MACROD2: variants seen among roughly 807,000 people sequenced by gnomAD.
MACROD2 encodes the protein ADP-ribose glycohydrolase MACROD2.
A neutral mutation model predicts 70.4 loss-of-function variants in MACROD2; 36 were observed. That is an observed-to-expected ratio of 0.51 (90% CI 0.39 to 0.68). The LOEUF (loss-of-function observed/expected upper bound fraction) is 0.68, where lower values mean the gene tolerates loss of function less well. Among genes scored for constraint, MACROD2 ranks in the 30% least tolerant of loss-of-function variants. MACROD2 has a pLI of 0.00. For synonymous variants in MACROD2, 172 were observed against 178.8 expected, an observed-to-expected ratio of 0.96 and a Z score of 0.30; for missense variants, 496 against 538.4, an observed-to-expected ratio of 0.92 and a Z score of 0.78.
chr20:14,209,494 TATAAC>T (rs1194223249), intron 3 of MACROD2, among the ~76,000 whole-genome samples: 4 of 152,324 alleles, frequency 2.6e-5, no homozygotes, highest in Admixed American at 2.0e-4. Flanking sequence ...TTTCATGTGA[TATAAC>T]ATGTGATATT....
At chr20:14,531,671 A>G (rs2085305946) in intron 4 of MACROD2, among the ~76,000 whole-genome samples, 1 of 152,200 alleles carries the variant, frequency 6.6e-6, no homozygotes, top group East Asian at 1.9e-4. Flanking sequence ...TTTGCCTATA[A>G]TTTTATAGTT....
intron 5 of MACROD2, among the ~76,000 whole-genome samples, chr20:14,938,793 C>A (rs1164197290): frequency 2.0e-5 from 3 of 151,596 alleles, no homozygotes. Flanking sequence ...CAAAACAAAA[C>A]CTAAACCAAA....
At chr20:14,967,280 C>T (rs2074646326) in intron 5 of MACROD2, among the ~76,000 whole-genome samples, 1 of 152,104 alleles carries the variant, frequency 6.6e-6, no homozygotes, top group Admixed American at 6.5e-5. Context: ...GCAACCTCCA[C>T]CTCCCTGGAT....
chr20:14,098,667 G>T (rs2054261597), intron 3 of MACROD2, among the ~76,000 whole-genome samples: 1 of 152,076 alleles, frequency 6.6e-6, no homozygotes, highest in Non-Finnish European at 1.5e-5. Flanking sequence ...TATTTGTTCA[G>T]TAAAACTGAA....
At chr20:14,221,053 A>T (rs2081669296) in intron 3 of MACROD2, among the ~76,000 whole-genome samples, 1 of 152,148 alleles carries the variant, frequency 6.6e-6, no homozygotes, top group South Asian at 2.1e-4. Context: ...TTGACCTTAA[A>T]AACTATCCAG....
intron 7 of MACROD2, among the ~76,000 whole-genome samples, chr20:15,473,329 G>A (rs1441691435): frequency 6.6e-6 from 1 of 152,194 alleles, no homozygotes; most frequent in Non-Finnish European, 1.5e-5. Context: ...ACAGACTAGG[G>A]TATAGAGTAG....
intron 6 of MACROD2, among the ~76,000 whole-genome samples, chr20:15,338,819 C>T (rs1022451956): frequency 6.6e-6 from 1 of 151,480 alleles, no homozygotes; most frequent in African/African-American, 2.4e-5. Flanking sequence ...GTACACACCC[C>T]TATTTTCAAA....
intron 3 of MACROD2, among the ~76,000 whole-genome samples, chr20:14,320,768 A>G (rs1379318914): frequency 6.6e-6 from 1 of 151,036 alleles, no homozygotes; most frequent in Non-Finnish European, 1.5e-5. Flanking sequence ...CCCCAATAAA[A>G]CCTCTTAATA....
At chr20:15,575,148 T>A (rs2048428617) in intron 8 of MACROD2, among the ~76,000 whole-genome samples, 2 of 152,162 alleles carry the variant, frequency 1.3e-5, no homozygotes, top group African/African-American at 4.8e-5. Context: ...GAGCATTTCG[T>A]TTTAATAGAA....
chr20:15,019,252 C>T (rs896761979), intron 5 of MACROD2, among the ~76,000 whole-genome samples: 7 of 152,204 alleles, frequency 4.6e-5, no homozygotes, highest in Non-Finnish European at 7.3e-5. Context: ...TTTACAACTA[C>T]ACAAAGTTAT....
chr20:15,792,852 G>A (rs2063637282), intron 8 of MACROD2, among the ~76,000 whole-genome samples: 1 of 152,166 alleles, frequency 6.6e-6, no homozygotes, highest in Non-Finnish European at 1.5e-5. Context: ...TGTTTTCTAA[G>A]ATGTACTAGC....
At chr20:15,041,658 G>A (rs2075357588) in intron 5 of MACROD2, among the ~76,000 whole-genome samples, 1 of 152,002 alleles carries the variant, frequency 6.6e-6, no homozygotes, top group Non-Finnish European at 1.5e-5. Context: ...TGCCCAGGCT[G>A]GTCTCAAGCT....
At chr20:15,906,894 T>G (rs2065155971) in intron 10 of MACROD2, among the ~76,000 whole-genome samples, 1 of 152,218 alleles carries the variant, frequency 6.6e-6, no homozygotes, top group Non-Finnish European at 1.5e-5. Context: ...TTGACAATAT[T>G]CACTCGCTTT....
chr20:14,540,017 T>C (rs1363122335), intron 4 of MACROD2, among the ~76,000 whole-genome samples: 1 of 152,206 alleles, frequency 6.6e-6, no homozygotes, highest in Non-Finnish European at 1.5e-5. Context: ...TATAGTCTCA[T>C]AACTCACAGA....
At chr20:15,449,471 A>G (rs762210962) in intron 7 of MACROD2, among the ~76,000 whole-genome samples, 4 of 152,162 alleles carry the variant, frequency 2.6e-5, no homozygotes, top group Non-Finnish European at 5.9e-5. Flanking sequence ...CAAATGGTAA[A>G]AATCTCTTCC....
chr20:15,000,905 T>A (rs2074990049), intron 5 of MACROD2, among the ~76,000 whole-genome samples: 1 of 152,202 alleles, frequency 6.6e-6, no homozygotes. Flanking sequence ...TAAAAATATT[T>A]TGATTTTGGC....
chr20:14,337,546 C>G (rs577898119), intron 3 of MACROD2: 1 of 398,512 alleles, frequency 2.5e-6, no homozygotes, highest in Admixed American at 4.4e-5. Context: ...GCAGGCTGAG[C>G]TTGTCCTGCT....
At chr20:14,097,973 T>C (rs1289835327) in intron 3 of MACROD2, among the ~76,000 whole-genome samples, 1 of 152,206 alleles carries the variant, frequency 6.6e-6, no homozygotes, top group Non-Finnish European at 1.5e-5. Flanking sequence ...TTTTGGATTT[T>C]AGAGCATTTC....
intron 3 of MACROD2, among the ~76,000 whole-genome samples, chr20:14,179,058 G>A (rs1189705549): frequency 6.6e-6 from 1 of 152,088 alleles, no homozygotes; most frequent in Non-Finnish European, 1.5e-5. Flanking sequence ...GTGAGAGAAT[G>A]GTTTGTGCAT....
Sources: gnomAD v4.1 joint callset for allele counts (sites outside exome capture counted in the v4.1 genomes callset) on GRCh38, gnomAD v4.1.1 for gene constraint, MANE v1.5 for transcripts, NCBI Gene and HGNC (gene_info 2026-07-23, HGNC 2026-07-21) for gene names.